RHOU: variants seen among roughly 807,000 people sequenced by gnomAD.
RHOU encodes the protein rho-related GTP-binding protein RhoU.
In RHOU, 8 loss-of-function variants were observed where a neutral mutation model predicts 12.6. The ratio of observed to expected loss-of-function variants is 0.64; its 90% confidence interval spans 0.37 to 1.15. RHOU has a LOEUF of 1.15. Ranked by LOEUF, RHOU falls within the 50% of genes most tolerant of loss-of-function variation. RHOU has a pLI of 0.01. For missense variants in RHOU, 258 were observed against 347.0 expected (o/e 0.74, Z 2.04); for synonymous variants, 161 against 147.4 (o/e 1.09, Z -0.67).
the RHOU span, among the ~76,000 whole-genome samples, chr1:228,704,653 G>T: frequency 1.3e-5 from 2 of 151,162 alleles, no homozygotes; most frequent in Admixed American, 6.6e-5. Context: ...TAGCGATGGG[G>T]TGTCCCCATA....
chr1:228,707,859 C>T, the RHOU span, among the ~76,000 whole-genome samples: 2 of 152,010 alleles, frequency 1.3e-5, no homozygotes, highest in Admixed American at 6.5e-5. Flanking sequence ...CAAATTACTC[C>T]GAGCTATGGG....
Position 228,743,275 on chromosome 1 carries a change from T to A in RHOU, c.322-10T>A. 6.2e-7 allele frequency: 1 copy of A among 1,609,046 alleles called. No individual in the cohort carries two copies. Among genetic ancestry groups the A allele is most frequent in the Non-Finnish European group, 8.5e-7 (1 of 1,175,816 alleles). Reference sequence around the variant, plus strand: ...AAAACATAACTTTTGGGTACTTTGCTTGGTTGCAGGATGAATTTGACAAGC... The same window carrying A: ...AAAACATAACTTTTGGGTACTTTGCATGGTTGCAGGATGAATTTGACAAGC... On this transcript the variant is annotated splice_polypyrimidine_tract_variant and intron_variant, in intron 2 of 2. Transcript: ENST00000366691. The surrounding 1 kb of genome is among the most constrained non-coding windows in gnomAD (Gnocchi z 5.1).
At chr1:228,683,767 G>A in the RHOU span, among the ~76,000 whole-genome samples, 1,103 of 152,294 alleles carry the variant, frequency 7.2e-3, 11 homozygotes, top group African/African-American at 0.024. Context: ...AGAGTTGCAC[G>A]GTTTCAGGAG....
chr1:228,727,330 C>T, the RHOU span, among the ~76,000 whole-genome samples: 11 of 151,938 alleles, frequency 7.2e-5, no homozygotes, highest in Admixed American at 6.6e-4. Context: ...TTTTCTGGGA[C>T]AGTGTTTCAC....
chr1:228,723,255 A>G, the RHOU span, among the ~76,000 whole-genome samples: 1 of 152,226 alleles, frequency 6.6e-6, no homozygotes, highest in Non-Finnish European at 1.5e-5. Context: ...GAAAGAAGGA[A>G]GACAGAAGGA....
intron 1 of RHOU, among the ~76,000 whole-genome samples, 174 bp downstream of exon 1, chr1:228,736,178 G>C (rs1425771890): frequency 6.8e-6 from 1 of 147,744 alleles, no homozygotes; most frequent in Non-Finnish European, 1.5e-5. Flanking sequence ...CTCAGGGACC[G>C]GGCAAGCGCG....
At chr1:228,648,437 G>T in the RHOU span, among the ~76,000 whole-genome samples, 1 of 152,212 alleles carries the variant, frequency 6.6e-6, no homozygotes, top group Non-Finnish European at 1.5e-5. Context: ...GGTGTGCTCT[G>T]AGGTGTCAAC....
At chr1:228,696,670 C>T in the RHOU span, among the ~76,000 whole-genome samples, 1 of 152,120 alleles carries the variant, frequency 6.6e-6, no homozygotes, top group African/African-American at 2.4e-5. Context: ...ATCTCAGCCT[C>T]CCTAGTAGCT....
At chr1:228,658,883 A>G in the RHOU span, among the ~76,000 whole-genome samples, 1 of 152,224 alleles carries the variant, frequency 6.6e-6, no homozygotes, top group African/African-American at 2.4e-5. Context: ...TGCAGAATTC[A>G]TGAAATCAGA....
chr1:228,707,186 T>TATATATACAC, the RHOU span, among the ~76,000 whole-genome samples: 1 of 104,568 alleles, frequency 9.6e-6, no homozygotes, highest in African/African-American at 4.7e-5. Flanking sequence ...TAACAAAATA[T>TATATATACAC]ATATATATAC....
intron 2 of RHOU, among the ~76,000 whole-genome samples, chr1:228,741,813 A>T (rs1662725081): frequency 6.6e-6 from 1 of 152,196 alleles, no homozygotes; most frequent in Admixed American, 6.5e-5. Context: ...TGGCTAAGTC[A>T]TACTTTTTCA....
the RHOU span, among the ~76,000 whole-genome samples, chr1:228,707,208 T>TATATATATACATATATAC: frequency 1.4e-4 from 14 of 99,334 alleles, 1 homozygote; most frequent in African/African-American, 8.0e-4. Context: ...TATATATACA[T>TATATATATACATATATAC]ATATATATAC....
At position 228,735,873 on chromosome 1, in the gene RHOU, G is replaced by A. The variant is rs964164425; in HGVS notation, c.131G>A (p.Gly44Asp). 1.6e-5 allele frequency: 24 copies of A among 1,494,096 alleles called. No homozygotes were observed. Among genetic ancestry groups the A allele is most frequent in the Non-Finnish European group, 2.0e-5 (22 of 1,127,524 alleles). The allele number at this position is 1,494,096 out of a possible 1,614,324, so 92.6% of individuals were successfully genotyped here. A position where few individuals can be genotyped will look rare whatever the true frequency, so the allele number is the denominator to read the frequency against. The change falls in exon 1 of 3, where the codon GGT becomes GAT. Residue 44 changes from glycine (G) to aspartate (D), a missense_variant. By Grantham distance (94) the Gly-to-Asp change is moderately conservative. Transcript: ENST00000366691. The surrounding 1 kb of genome is among the most constrained non-coding windows in gnomAD (Gnocchi z 8.1). Reference protein sequence around the residue: ...GEPGGRGRAGGAEGRGVKCVL... With the variant: ...GEPGGRGRAGDAEGRGVKCVL... The stretch of plus-strand genomic sequence containing the variant: ...CCGGGGGGCCGGGGGCGTGCGGGGG[G>A]TGCCGAGGGGCGCGGCGTCAAGTGC...
the RHOU span, among the ~76,000 whole-genome samples, chr1:228,728,561 A>C: frequency 0.021 from 3,233 of 152,340 alleles, 128 homozygotes; most frequent in African/African-American, 0.074. Flanking sequence ...GTGTTATTTA[A>C]TTCAAAAAGT....
chr1:228,655,855 AAGAG>A, the RHOU span, among the ~76,000 whole-genome samples: 4 of 152,240 alleles, frequency 2.6e-5, no homozygotes, highest in South Asian at 8.3e-4. Flanking sequence ...GAAGGCCACA[AAGAG>A]AGGGTTCTCA....
At chr1:228,717,531 A>ATAGG in the RHOU span, among the ~76,000 whole-genome samples, 1 of 152,228 alleles carries the variant, frequency 6.6e-6, no homozygotes, top group African/African-American at 2.4e-5. Context: ...CTGGAGAGGG[A>ATAGG]TAGGTAGGAT....
the RHOU span, among the ~76,000 whole-genome samples, chr1:228,703,402 T>C: frequency 6.6e-6 from 1 of 151,936 alleles, no homozygotes. Context: ...GGTGGGCACC[T>C]GTAGTCCCAG....
chr1:228,703,136 A>G, the RHOU span, among the ~76,000 whole-genome samples: 1 of 152,204 alleles, frequency 6.6e-6, no homozygotes, highest in Admixed American at 6.5e-5. Context: ...ATGTATGTAC[A>G]TTTAAAACAA....
At chr1:228,689,696 A>T in the RHOU span, among the ~76,000 whole-genome samples, 1 of 150,846 alleles carries the variant, frequency 6.6e-6, no homozygotes, top group African/African-American at 2.4e-5. Context: ...AGGAGCTCAA[A>T]CCCTATTGTG....
Sources: allele counts gnomAD v4.1 joint callset (sites outside exome capture counted in the v4.1 genomes callset), GRCh38; gene constraint gnomAD v4.1.1; non-coding constraint Gnocchi (gnomAD v3.1); transcripts MANE v1.5; gene names NCBI Gene and HGNC (gene_info 2026-07-23, HGNC 2026-07-21).